CHCHD6: variants seen among roughly 807,000 people sequenced by gnomAD.
CHCHD6 encodes coiled-coil-helix-coiled-coil-helix domain containing 6.
Under a neutral mutation model 32.3 loss-of-function variants are expected in CHCHD6, and 28 were observed. The ratio of observed to expected loss-of-function variants is 0.87; its 90% CI spans 0.64 to 1.19. The LOEUF is 1.19. Among genes scored for constraint, CHCHD6 ranks in the 50% most tolerant of loss-of-function variants. The pLI, the probability that CHCHD6 is intolerant of heterozygous loss-of-function variation, is 0.00. For missense variants in CHCHD6, 333 were observed against 307.0 expected, an observed-to-expected ratio of 1.08 and a Z score of -0.63; for synonymous variants, 122 against 117.5, an observed-to-expected ratio of 1.04 and a Z score of -0.25.
At chr3:126,850,449 T>C (rs1366330847) in intron 4 of CHCHD6, among the ~76,000 whole-genome samples, 2 of 152,220 alleles carry the variant, frequency 1.3e-5, no homozygotes, top group Admixed American at 6.5e-5. Context: ...CCCAACACTT[T>C]AGTCCTGCGT....
intron 6 of CHCHD6, among the ~76,000 whole-genome samples, chr3:126,915,586 G>A (rs2078157134): frequency 6.6e-6 from 1 of 152,210 alleles, no homozygotes; most frequent in Admixed American, 6.5e-5. Flanking sequence ...AGTGAATTGG[G>A]ACAATTCACC....
chr3:126,820,230 G>A (rs1940090539), intron 4 of CHCHD6, among the ~76,000 whole-genome samples: 1 of 152,134 alleles, frequency 6.6e-6, no homozygotes, highest in African/African-American at 2.4e-5. Flanking sequence ...ATTTTATTGA[G>A]GTATAACAGT....
At chr3:126,799,230 A>T (rs937698244) in intron 4 of CHCHD6, among the ~76,000 whole-genome samples, 1 of 152,088 alleles carries the variant, frequency 6.6e-6, no homozygotes, top group East Asian at 1.9e-4. Flanking sequence ...TGAAGGAATC[A>T]CTCTTGTCTC....
At chr3:126,928,507 G>A (rs2078356706) in intron 6 of CHCHD6, among the ~76,000 whole-genome samples, 1 of 152,118 alleles carries the variant, frequency 6.6e-6, no homozygotes. Context: ...CACGTCACCT[G>A]TGGCACTCCA....
chr3:126,910,034 T>A (rs1430224576), intron 5 of CHCHD6, among the ~76,000 whole-genome samples: 1 of 152,104 alleles, frequency 6.6e-6, no homozygotes, highest in Non-Finnish European at 1.5e-5. Context: ...CCCAACACTT[T>A]GGGAGGCCAA....
chr3:126,863,843 C>T (rs1476671673), intron 5 of CHCHD6, among the ~76,000 whole-genome samples: 1 of 148,522 alleles, frequency 6.7e-6, no homozygotes, highest in African/African-American at 2.5e-5. Context: ...ACCACCTCCT[C>T]CTCCACCATC....
intron 1 of CHCHD6, among the ~76,000 whole-genome samples, chr3:126,724,011 C>A (rs933295985): frequency 1.3e-5 from 2 of 152,192 alleles, no homozygotes; most frequent in Admixed American, 6.5e-5. Flanking sequence ...CACCCTTAGG[C>A]CTATTTCACA....
intron 4 of CHCHD6, among the ~76,000 whole-genome samples, chr3:126,820,046 A>G (rs957772628): frequency 6.6e-6 from 1 of 152,142 alleles, no homozygotes; most frequent in Non-Finnish European, 1.5e-5. Flanking sequence ...TATATTCTTG[A>G]TGGGCTCTCA....
chr3:126,802,551 A>G (rs1284766904), intron 4 of CHCHD6, among the ~76,000 whole-genome samples: 1 of 152,230 alleles, frequency 6.6e-6, no homozygotes, highest in African/African-American at 2.4e-5. Context: ...CCTCCAAGAA[A>G]TATGGGACTA....
chr3:126,712,852 A>G (rs1934817205), intron 1 of CHCHD6, among the ~76,000 whole-genome samples: 1 of 152,194 alleles, frequency 6.6e-6, no homozygotes, highest in African/African-American at 2.4e-5. Flanking sequence ...CATTTAATTG[A>G]CTGTGTCCAA....
chr3:126,734,684 G>T (rs1253325117), intron 4 of CHCHD6, among the ~76,000 whole-genome samples: 2 of 152,226 alleles, frequency 1.3e-5, no homozygotes, highest in Non-Finnish European at 2.9e-5. Context: ...TTGAAGAAAA[G>T]ATTTGGAAAT....
chr3:126,947,597 T>G (rs372134740), intron 6 of CHCHD6, among the ~76,000 whole-genome samples: 131 of 152,302 alleles, frequency 8.6e-4, no homozygotes, highest in African/African-American at 3.1e-3. Context: ...GCCTGTGACT[T>G]ACCAACCCCG....
intron 4 of CHCHD6, among the ~76,000 whole-genome samples, chr3:126,801,912 C>T (rs1939096636): frequency 6.6e-6 from 1 of 152,198 alleles, no homozygotes; most frequent in African/African-American, 2.4e-5. Context: ...TCATGAAAAT[C>T]CACTGTTCTG....
intron 4 of CHCHD6, among the ~76,000 whole-genome samples, chr3:126,765,038 G>T (rs1231556917): frequency 1.3e-5 from 2 of 152,012 alleles, no homozygotes; most frequent in Non-Finnish European, 2.9e-5. Context: ...GAGTGACTGG[G>T]GTGGAAAATA....
chr3:126,901,171 G>T (rs1008175), intron 5 of CHCHD6, among the ~76,000 whole-genome samples: 1 of 152,048 alleles, frequency 6.6e-6, no homozygotes, highest in Non-Finnish European at 1.5e-5. Context: ...CAAGAAGGAA[G>T]AGCCTAACTC....
intron 1 of CHCHD6, among the ~76,000 whole-genome samples, chr3:126,718,919 TAAAA>T (rs993251899): frequency 1.3e-5 from 2 of 152,128 alleles, no homozygotes; most frequent in Non-Finnish European, 2.9e-5. Flanking sequence ...TGTGGCAACA[TAAAA>T]AAAATTACAA....
At chr3:126,731,012 G>A (rs1219086300) in intron 3 of CHCHD6, among the ~76,000 whole-genome samples, 3 of 150,108 alleles carry the variant, frequency 2.0e-5, no homozygotes, top group African/African-American at 2.5e-5. Flanking sequence ...GGAGGCTGAG[G>A]TGGAAGAATC....
intron 4 of CHCHD6, among the ~76,000 whole-genome samples, chr3:126,823,135 T>G (rs989002550): frequency 2.7e-5 from 4 of 150,362 alleles, no homozygotes; most frequent in Non-Finnish European, 5.9e-5. Flanking sequence ...CAGGCTGGTC[T>G]CAGACTCCTG....
At chr3:126,808,146 C>T (rs1023867053) in intron 4 of CHCHD6, among the ~76,000 whole-genome samples, 2 of 152,204 alleles carry the variant, frequency 1.3e-5, no homozygotes, top group African/African-American at 4.8e-5. Flanking sequence ...GGATCCATTT[C>T]TGCACTCATT....
Sources: gnomAD v4.1 joint callset for allele counts (sites outside exome capture counted in the v4.1 genomes callset) on GRCh38, gnomAD v4.1.1 for gene constraint, MANE v1.5 for transcripts, NCBI Gene and HGNC (gene_info 2026-07-23, HGNC 2026-07-21) for gene names.